KIAA1958: variants seen among roughly 807,000 people sequenced by gnomAD.
The protein encoded by KIAA1958 is uncharacterized protein KIAA1958.
Under a neutral mutation model 47.2 loss-of-function variants are expected in KIAA1958, and 14 were observed. The observed-to-expected ratio is 0.30, with a 90% confidence interval of 0.20 to 0.46. The LOEUF is 0.46. KIAA1958 is among the 20% of genes least tolerant of loss of function. The pLI, the probability that KIAA1958 is intolerant of heterozygous loss-of-function variation, is 1.00. For synonymous variants in KIAA1958, 354 were observed against 353.3 expected, an observed-to-expected ratio of 1.00 and a Z score of -0.02; for missense variants, 803 against 909.2, an observed-to-expected ratio of 0.88 and a Z score of 1.50.
At chr9:112,522,292 G>A (rs1834559361) in intron 1 of KIAA1958, among the ~76,000 whole-genome samples, 1 of 152,186 alleles carries the variant, frequency 6.6e-6, no homozygotes, top group South Asian at 2.1e-4. Flanking sequence ...TTTTTCCTAA[G>A]AAACTGTAGA....
intron 2 of KIAA1958, among the ~76,000 whole-genome samples, chr9:112,619,452 T>A (rs1018100621): frequency 3.3e-5 from 5 of 152,230 alleles, no homozygotes; most frequent in Admixed American, 6.5e-5. Context: ...AACATCAAAT[T>A]ATTTACATCT....
intron 1 of KIAA1958, among the ~76,000 whole-genome samples, chr9:112,525,980 TCTTCTTCTTCTTCTTCTTC>T (rs1834638833): frequency 1.8e-4 from 2 of 11,056 alleles, no homozygotes; most frequent in African/African-American, 4.5e-4. Flanking sequence ...TTCTTCTTCT[TCTTCTTCTTCTTCTTCTTC>T]TTTTTTTTTT....
At chr9:112,557,776 A>T (rs746392046) in intron 1 of KIAA1958, among the ~76,000 whole-genome samples, 3 of 152,248 alleles carry the variant, frequency 2.0e-5, no homozygotes, top group African/African-American at 7.2e-5. Context: ...CAAAAATATC[A>T]TATTTATACT....
At position 112,530,133 on chromosome 9, in the gene KIAA1958, A is replaced by G. The variant is rs184450161; in HGVS notation, c.-25+43015A>G. Among the ~76,000 whole-genome samples the G allele has an allele frequency of 5.3e-3, 800 of 152,278 alleles. 6 individuals are homozygous for G. The highest frequency in any genetic ancestry group is 0.018 in the African/African-American group (753 of 41,562). On this transcript the variant is annotated intron_variant, in intron 1 of 3. Coordinates refer to ENST00000337530, the MANE Select transcript of KIAA1958 (RefSeq NM_133465.4). ...GCTGGGATTACAGGCGTGAGCCACC[A>G]CATCCGGCCTAGACTCCACTTTCTT...
chr9:112,646,426 A>G (rs191601603), intron 3 of KIAA1958, among the ~76,000 whole-genome samples: 3 of 152,372 alleles, frequency 2.0e-5, no homozygotes, highest in African/African-American at 2.4e-5. Flanking sequence ...CATCCTAAGG[A>G]TTAGACAAAA....
intron 1 of KIAA1958, among the ~76,000 whole-genome samples, chr9:112,566,594 C>T (rs756397133): frequency 2.6e-5 from 4 of 152,098 alleles, no homozygotes; most frequent in Admixed American, 6.5e-5. Flanking sequence ...GGCAGCAGAG[C>T]GAGACCCTGC....
intron 2 of KIAA1958, among the ~76,000 whole-genome samples, chr9:112,614,254 T>A (rs1358593168): frequency 1.3e-5 from 2 of 152,064 alleles, no homozygotes; most frequent in African/African-American, 2.4e-5. Flanking sequence ...GTTTTCTTGG[T>A]GAGAGCAAGT....
intron 1 of KIAA1958, among the ~76,000 whole-genome samples, chr9:112,540,381 T>G (rs1013151220): frequency 6.6e-6 from 1 of 152,228 alleles, no homozygotes; most frequent in African/African-American, 2.4e-5. Context: ...TACACATATG[T>G]ATGCACACAT....
intron 1 of KIAA1958, among the ~76,000 whole-genome samples, chr9:112,571,977 A>G (rs1156246055): frequency 6.6e-6 from 1 of 151,818 alleles, no homozygotes; most frequent in African/African-American, 2.4e-5. Flanking sequence ...TAGAGTATGA[A>G]GGAAATGTAA....
chr9:112,632,310 A>G (rs1334320652), intron 2 of KIAA1958, among the ~76,000 whole-genome samples: 1 of 152,134 alleles, frequency 6.6e-6, no homozygotes, highest in African/African-American at 2.4e-5. Flanking sequence ...GAAGGGTAAC[A>G]CAATTTTTAA....
intron 2 of KIAA1958, among the ~76,000 whole-genome samples, chr9:112,639,212 T>G (rs1293424047): frequency 1.3e-5 from 2 of 152,216 alleles, no homozygotes; most frequent in Non-Finnish European, 2.9e-5. Flanking sequence ...GAAAAGGATC[T>G]AATCAGAATC....
At chr9:112,656,372 C>CAAAA (rs35967386) in intron 3 of KIAA1958, among the ~76,000 whole-genome samples, 5 of 57,824 alleles carry the variant, frequency 8.6e-5, no homozygotes, top group African/African-American at 1.5e-4. Context: ...GACTCTGTCT[C>CAAAA]AAAAAAAAAA....
rs2131217562 is a variant in KIAA1958 at position 112,618,966 on chromosome 9, T to C, written c.1172-26684T>C. The C allele has an allele frequency of 6.8e-7, 1 of 1,481,324 alleles. No homozygotes were observed. The highest frequency in any genetic ancestry group is 1.4e-5 in the South Asian group (1 of 73,478). The allele number at this position is 1,481,324 out of a possible 1,614,324, so 91.8% of individuals were successfully genotyped here. ...GTTTGGTTACTGTGTCCGGAGAAAC[T>C]GTGATTATACACCGCTTCTCGTTCC... On this transcript the variant is annotated intron_variant, in intron 2 of 3. Transcript: ENST00000337530. This position sits in a 1 kb window ranked among gnomAD's most constrained non-coding sequence, Gnocchi z 7.1.
chr9:112,544,918 A>AT lies in KIAA1958; in HGVS notation c.-24-29135dup, dbSNP rs201888154. 7.3e-3 allele frequency among the ~76,000 whole-genome samples: 1,102 copies of AT among 151,804 alleles called. 11 individuals are homozygous for AT. The highest frequency in any genetic ancestry group is 0.025 in the African/African-American group (1,034 of 41,418). ...TCTAATTTTTAATCTTTTTTTTTTA[A>AT]TTTTAACTTTCCACACTATACCATC... On this transcript the variant is annotated intron_variant, in intron 1 of 3. Transcript: ENST00000337530.
chr9:112,634,336 C>G lies in KIAA1958; in HGVS notation c.1172-11314C>G, dbSNP rs896697632. ...CTCTACTTCCTGGGTTCAAGCGATT[C>G]TCCTGCCTCAGCCTCCCGAGTAGCT... On this transcript the variant is annotated intron_variant, in intron 2 of 3. Coordinates refer to ENST00000337530, the MANE Select transcript of KIAA1958 (RefSeq NM_133465.4). Among the ~76,000 whole-genome samples, 7 of 152,132 alleles carry G rather than the reference C, an allele frequency of 4.6e-5. 1 individual carries two copies. Among genetic ancestry groups the G allele is most frequent in the African/African-American group, 1.7e-4 (7 of 41,428 alleles).
intron 2 of KIAA1958, among the ~76,000 whole-genome samples, chr9:112,630,209 C>T (rs1836685364): frequency 6.6e-6 from 1 of 152,180 alleles, no homozygotes; most frequent in African/African-American, 2.4e-5. Flanking sequence ...CCTGGAGCCC[C>T]AAGCCTGAAA....
At chr9:112,557,147 A>G (rs1712954146) in intron 1 of KIAA1958, among the ~76,000 whole-genome samples, 1 of 127,690 alleles carries the variant, frequency 7.8e-6, no homozygotes, top group Non-Finnish European at 1.7e-5. Context: ...TTTTGTAGAG[A>G]CAGGGTCTCA....
chr9:112,647,997 G>T (rs1176988414), intron 3 of KIAA1958, among the ~76,000 whole-genome samples: 1 of 152,214 alleles, frequency 6.6e-6, no homozygotes, highest in Non-Finnish European at 1.5e-5. Context: ...ACAATTTCTA[G>T]TGTCCAATCA....
At chr9:112,612,750 C>T (rs1836347527) in intron 2 of KIAA1958, among the ~76,000 whole-genome samples, 1 of 152,106 alleles carries the variant, frequency 6.6e-6, no homozygotes, top group South Asian at 2.1e-4. Context: ...ATAGCAGTTC[C>T]ACTTTTGGAA....
Sources: gnomAD v4.1 joint callset for allele counts (sites outside exome capture counted in the v4.1 genomes callset) on GRCh38, gnomAD v4.1.1 for gene constraint, Gnocchi (gnomAD v3.1) non-coding constraint, MANE v1.5 for transcripts, NCBI Gene and HGNC (gene_info 2026-07-23, HGNC 2026-07-21) for gene names.